The following MSH3 variants were observed in gnomAD, a reference collection of about 807,000 sequenced individuals.
MSH3 encodes the protein DNA mismatch repair protein Msh3.
A neutral mutation model predicts 123.3 loss-of-function variants in MSH3; 106 were observed. That is an observed-to-expected ratio of 0.86 (90% confidence interval 0.73 to 1.01). The LOEUF (loss-of-function observed/expected upper bound fraction) is 1.01. Ranked by LOEUF, MSH3 falls within the 50% of genes least tolerant of loss-of-function variation. The pLI is 0.00. For missense variants in MSH3, 1,459 were observed against 1,347.6 expected, an observed-to-expected ratio of 1.08 and a Z score of -1.29; for synonymous variants, 515 against 481.4, an observed-to-expected ratio of 1.07 and a Z score of -0.91.
intron 13 of MSH3, 120 bp downstream of exon 13, chr5:80,761,798 C>A: frequency 1.1e-5 from 12 of 1,095,540 alleles, no homozygotes; most frequent in Non-Finnish European, 1.6e-5. Flanking sequence ...TTACAAATAG[C>A]ATGCGAGAGT....
intron 20 of MSH3, among the ~76,000 whole-genome samples, chr5:80,840,742 C>G (rs1292838617): frequency 6.6e-6 from 1 of 151,844 alleles, no homozygotes. Flanking sequence ...CTATCCCTCC[C>G]CCAGCCCCCT....
intron 18 of MSH3, among the ~76,000 whole-genome samples, chr5:80,790,730 CATTGAACACAG>C (rs1744592904): frequency 6.6e-6 from 1 of 152,154 alleles, no homozygotes; most frequent in Admixed American, 6.5e-5. Context: ...TTCTAATTTT[CATTGAACACAG>C]TTGAAAATTC....
intron 1 of MSH3, chr5:80,655,188 T>A (rs923285224): frequency 2.5e-6 from 1 of 404,672 alleles, no homozygotes; most frequent in Non-Finnish European, 4.4e-6. Context: ...GTTATGCAGG[T>A]TTTTAATGGC....
At chr5:80,800,518 G>C (rs1015727960) in intron 19 of MSH3, among the ~76,000 whole-genome samples, 4 of 152,190 alleles carry the variant, frequency 2.6e-5, no homozygotes, top group Non-Finnish European at 5.9e-5. Context: ...AAATACGCAC[G>C]ATCTTTCTAA....
chr5:80,738,923 A>G (rs1484693054), intron 10 of MSH3, among the ~76,000 whole-genome samples: 1 of 152,198 alleles, frequency 6.6e-6, no homozygotes, highest in Admixed American at 6.5e-5. Context: ...TCCCTCCTCC[A>G]TGTGAAGACA....
intron 8 of MSH3, among the ~76,000 whole-genome samples, chr5:80,694,490 A>G (rs192631238): frequency 3.0e-4 from 45 of 152,296 alleles, no homozygotes; most frequent in Admixed American, 2.6e-3. Context: ...AAATATTTAG[A>G]AAGCGTTATA....
At chr5:80,822,733 CT>C (rs1745222486) in intron 20 of MSH3, among the ~76,000 whole-genome samples, 1 of 152,194 alleles carries the variant, frequency 6.6e-6, no homozygotes, top group Non-Finnish European at 1.5e-5. Context: ...ATCCAGGAAC[CT>C]AGAGGCACCA....
chr5:80,770,132 T>G (rs1454766091), intron 15 of MSH3, among the ~76,000 whole-genome samples: 2 of 152,186 alleles, frequency 1.3e-5, no homozygotes, highest in Non-Finnish European at 2.9e-5. Flanking sequence ...GTTTTTGCTA[T>G]GCAGTCATGA....
In MSH3 at chr5:80,725,534, G is replaced by T. The variant is rs765517032; in HGVS notation, c.1422G>T (p.Glu474Asp). ...GCCATGCTTTCCAGGCAGTTACAGA[G>T]TTTTATGCAAAAGATACAGTTGACA... Reference protein sequence around the residue: ...EYSHAFQAVTEFYAKDTVDIK... With the variant: ...EYSHAFQAVTDFYAKDTVDIK... Residue 474 changes from glutamate (E) to aspartate (D), a missense_variant, in exon 9 of 24, where the codon GAG (glutamate) becomes GAT (aspartate). Glu to Asp is a conservative substitution (Grantham distance 45, BLOSUM62 2). Transcript: ENST00000265081. 1.2e-6 allele frequency: 2 copies of T among 1,613,646 alleles called. No individual in the cohort carries two copies. The highest frequency in any genetic ancestry group is 2.2e-5 in the East Asian group (1 of 44,854).
chr5:80,798,925 C>T (rs1744743689), intron 19 of MSH3, among the ~76,000 whole-genome samples: 1 of 152,206 alleles, frequency 6.6e-6, no homozygotes, highest in African/African-American at 2.4e-5. Flanking sequence ...CAGAAAAAAT[C>T]CCTTTCTATT....
intron 20 of MSH3, among the ~76,000 whole-genome samples, chr5:80,849,526 C>A (rs245356): frequency 5.9e-5 from 9 of 151,986 alleles, no homozygotes; most frequent in Non-Finnish European, 1.0e-4. Flanking sequence ...GCGGAGGTTC[C>A]CAAACCTCAG....
chr5:80,860,252 T>C (rs935804796), intron 21 of MSH3, among the ~76,000 whole-genome samples: 1 of 152,208 alleles, frequency 6.6e-6, no homozygotes, highest in African/African-American at 2.4e-5. Context: ...GCTGCACTTT[T>C]CTTTATGTAG....
intron 4 of MSH3, among the ~76,000 whole-genome samples, chr5:80,671,940 A>T (rs1749734179): frequency 6.6e-6 from 1 of 152,172 alleles, no homozygotes; most frequent in Non-Finnish European, 1.5e-5. Context: ...TGATCTCTGT[A>T]TTGGATAGTC....
chr5:80,677,042 G>A (rs946701701), intron 7 of MSH3, among the ~76,000 whole-genome samples: 1 of 152,124 alleles, frequency 6.6e-6, no homozygotes, highest in South Asian at 2.1e-4. Flanking sequence ...CACCTCTCTC[G>A]AGCTCCAGGC....
At chr5:80,704,424 T>G (rs901487787) in intron 8 of MSH3, among the ~76,000 whole-genome samples, 1 of 152,244 alleles carries the variant, frequency 6.6e-6, no homozygotes, top group African/African-American at 2.4e-5. Flanking sequence ...GGAATGCATT[T>G]CCTGGTTGGT....
chr5:80,777,451 T>A (rs1307565361), intron 16 of MSH3, among the ~76,000 whole-genome samples: 1 of 152,202 alleles, frequency 6.6e-6, no homozygotes, highest in Non-Finnish European at 1.5e-5. Context: ...AAAACCATGT[T>A]AGTCTATCTA....
In MSH3 at chr5:80,672,234, C is replaced by A. The variant is rs771727842; in HGVS notation, c.793-10C>A. The A allele has an allele frequency of 2.5e-6, 4 of 1,586,458 alleles. No homozygotes were observed. The Admixed American group carries it at 5.0e-5, about 20-fold the overall frequency. On this transcript the variant is annotated splice_polypyrimidine_tract_variant and intron_variant, in intron 4 of 23. Coordinates refer to ENST00000265081, the MANE Select transcript of MSH3 (RefSeq NM_002439.5). ...TAAATTTATTGATATTTTCTTTTTT[C>A]ATTTTTTAGATTGCAGCCCGAGAGC...
intron 3 of MSH3, among the ~76,000 whole-genome samples, chr5:80,666,602 C>T (rs898277253): frequency 2.6e-5 from 4 of 152,154 alleles, no homozygotes; most frequent in African/African-American, 7.2e-5. Flanking sequence ...AGCATTTACT[C>T]CAAGGTCTCA....
intron 4 of MSH3, among the ~76,000 whole-genome samples, chr5:80,671,829 T>C (rs1447114307): frequency 6.6e-6 from 1 of 152,240 alleles, no homozygotes; most frequent in South Asian, 2.1e-4. Flanking sequence ...ATGATTTCTC[T>C]GTCCGGATGG....
Sources: gnomAD v4.1 joint callset for allele counts (sites outside exome capture counted in the v4.1 genomes callset) on GRCh38, gnomAD v4.1.1 for gene constraint, MANE v1.5 for transcripts, NCBI Gene and HGNC (gene_info 2026-07-23, HGNC 2026-07-21) for gene names.